FAM171B: variants seen among roughly 807,000 people sequenced by gnomAD.
FAM171B encodes family with sequence similarity 171 member B.
FAM171B carries 19 observed loss-of-function variants against 75.6 expected under a neutral mutation model. The ratio of observed to expected loss-of-function variants is 0.25; its 90% CI spans 0.18 to 0.37. FAM171B has a LOEUF of 0.37. Among genes scored for constraint, FAM171B ranks in the 10% least tolerant of loss-of-function variants. The pLI is 1.00. For missense variants in FAM171B, 848 were observed against 982.4 expected (o/e 0.86, Z 1.83); for synonymous variants, 367 against 361.7 (o/e 1.01, Z -0.17).
chr2:186,707,506 C>T (rs1689748367), intron 1 of FAM171B, among the ~76,000 whole-genome samples: 1 of 152,132 alleles, frequency 6.6e-6, no homozygotes, highest in Non-Finnish European at 1.5e-5. Context: ...GGGATCGTTC[C>T]CAACCCTGCC....
chr2:186,696,292 C>A (rs1392386505), intron 1 of FAM171B, among the ~76,000 whole-genome samples: 9 of 151,682 alleles, frequency 5.9e-5, no homozygotes, highest in Non-Finnish European at 1.3e-4. Context: ...CAATTGATTG[C>A]TGTTTTAGTT....
At chr2:186,698,999 T>C (rs557793845) in intron 1 of FAM171B, among the ~76,000 whole-genome samples, 2 of 152,302 alleles carry the variant, frequency 1.3e-5, no homozygotes, top group Admixed American at 1.3e-4. Context: ...ATTGTGTATA[T>C]GTATCACATT....
Position 186,761,951 on chromosome 2 carries a change from C to A in FAM171B, c.1609C>A (p.Gln537Lys). 1.2e-6 allele frequency: 2 copies of A among 1,613,422 alleles called. No individual in the cohort carries two copies. The highest frequency in any genetic ancestry group is 1.7e-6 in the Non-Finnish European group (2 of 1,179,760). Residue 537 changes from glutamine to lysine, a missense_variant, in exon 8 of 8, where the codon CAA becomes AAA. Physicochemically the swap from Gln to Lys is moderately conservative, Grantham distance 53 (BLOSUM62 1). Coordinates refer to ENST00000304698, the MANE Select transcript of FAM171B (RefSeq NM_177454.4). Reference sequence around the variant, plus strand: ...TGAACAGCTTATGCATATTTACAGCCAACCCATTGCCATCCTTCAAACATC... The same window carrying A: ...TGAACAGCTTATGCATATTTACAGCAAACCCATTGCCATCCTTCAAACATC... ...IPEQLMHIYS[Q>K]PIAILQTSDL...
chr2:186,725,225 T>A (rs1264812961), intron 1 of FAM171B, among the ~76,000 whole-genome samples: 1 of 151,406 alleles, frequency 6.6e-6, no homozygotes, highest in East Asian at 1.9e-4. Context: ...GCACCTGTAG[T>A]CCCAGCTACT....
At chr2:186,746,998 T>C in intron 3 of FAM171B, 94 bp from the exon 4 acceptor site, 1 of 880,258 alleles carries the variant, frequency 1.1e-6, no homozygotes, top group Non-Finnish European at 1.7e-6. Flanking sequence ...TAGCAATAAT[T>C]ATAATTGCTT....
At chr2:186,750,490 G>T (rs1690436357) in intron 4 of FAM171B, among the ~76,000 whole-genome samples, 1 of 152,082 alleles carries the variant, frequency 6.6e-6, no homozygotes, top group East Asian at 1.9e-4. Flanking sequence ...TCTTTCAGTT[G>T]TATGAATAAT....
At chr2:186,736,797 A>G (rs2105784570) in intron 1 of FAM171B, among the ~76,000 whole-genome samples, 1 of 152,188 alleles carries the variant, frequency 6.6e-6, no homozygotes, top group South Asian at 2.1e-4. Context: ...CGGACAAGGT[A>G]TAACAATATT....
In FAM171B at chr2:186,762,791, C is replaced by T. The variant is rs757771338; in HGVS notation, c.2449C>T (p.Arg817Ter). 9 of 1,612,606 alleles carry T rather than the reference C, an allele frequency of 5.6e-6. No homozygotes were observed. In the South Asian group the frequency reaches 7.7e-5, roughly 14 times the overall value. Reference protein sequence around the residue: ...RDSKTNIWKKREERPLIPIN With the variant: ...RDSKTNIWKK ...TAGCAAGACTAACATCTGGAAGAAGCGAGAGGAACGCCCACTGATTCCCAT... is the reference window on the plus strand; with the variant it reads ...TAGCAAGACTAACATCTGGAAGAAGTGAGAGGAACGCCCACTGATTCCCAT... Residue 817 changes from arginine (R) to a stop codon, truncating the protein, a stop_gained, in exon 8 of 8, where the codon CGA (arginine) becomes TGA (stop). Coordinates refer to ENST00000304698, the MANE Select transcript of FAM171B (RefSeq NM_177454.4). LOFTEE classifies it high-confidence loss of function. The surrounding 1 kb of genome is among the most constrained non-coding windows in gnomAD (Gnocchi z 4.0).
chr2:186,715,515 G>A (rs538070195), intron 1 of FAM171B, among the ~76,000 whole-genome samples: 3 of 152,186 alleles, frequency 2.0e-5, no homozygotes, highest in Admixed American at 6.5e-5. Flanking sequence ...GACTAATTTG[G>A]TTTCAAGGTA....
At chr2:186,740,928 T>C (rs1023676750) in intron 2 of FAM171B, among the ~76,000 whole-genome samples, 2 of 152,188 alleles carry the variant, frequency 1.3e-5, no homozygotes, top group African/African-American at 4.8e-5. Context: ...TTTTTAAGAA[T>C]TGGCAAAAAT....
chr2:186,719,558 CAAAT>C (rs1689922408), intron 1 of FAM171B, among the ~76,000 whole-genome samples: 1 of 152,172 alleles, frequency 6.6e-6, no homozygotes, highest in South Asian at 2.1e-4. Context: ...GAGAAAAAAA[CAAAT>C]AAAACAACAA....
chr2:186,702,561 G>A (rs74411774), intron 1 of FAM171B, among the ~76,000 whole-genome samples: 26,529 of 151,874 alleles, frequency 0.17, 2,446 homozygotes, highest in Middle Eastern at 0.26. Flanking sequence ...ATGATTGTTC[G>A]TGTCACAATG....
chr2:186,751,786 A>C (rs1690458719), intron 5 of FAM171B, among the ~76,000 whole-genome samples: 1 of 152,140 alleles, frequency 6.6e-6, no homozygotes, highest in Non-Finnish European at 1.5e-5. Context: ...TAGCAGCTGG[A>C]AATATATGTA....
chr2:186,731,501 G>C (rs905934031), intron 1 of FAM171B, among the ~76,000 whole-genome samples: 4 of 152,158 alleles, frequency 2.6e-5, no homozygotes, highest in Non-Finnish European at 4.4e-5. Flanking sequence ...CTAGTGGCTC[G>C]GTAAATTTTG....
chr2:186,750,867 T>C (rs1429483459), intron 4 of FAM171B, among the ~76,000 whole-genome samples: 3 of 152,166 alleles, frequency 2.0e-5, no homozygotes, highest in Admixed American at 1.3e-4. Flanking sequence ...ATAAAAAATA[T>C]TGAATTGGAT....
At position 186,755,154 on chromosome 2, in the gene FAM171B, T is replaced by G. The variant is rs754984016; in HGVS notation, c.1012+1105T>G. Among the ~76,000 whole-genome samples, 24 of 152,326 alleles carry G rather than the reference T, an allele frequency of 1.6e-4. 1 individual carries two copies. Among genetic ancestry groups the G allele is most frequent in the South Asian group, 1.2e-3 (6 of 4,820 alleles). On this transcript the variant is annotated intron_variant, in intron 6 of 7. Coordinates refer to ENST00000304698, the MANE Select transcript of FAM171B (RefSeq NM_177454.4). ...CATTGCATATTTTAGCCATTAAATT[T>G]TGAAAAAAGAAAAATTCTCTAACCT...
At chr2:186,757,596 C>A (rs1002644332) in intron 6 of FAM171B, among the ~76,000 whole-genome samples, 1 of 152,032 alleles carries the variant, frequency 6.6e-6, no homozygotes, top group African/African-American at 2.4e-5. Flanking sequence ...ATATTAAGTG[C>A]AAGAGATTAA....
chr2:186,736,832 C>T (rs1415943809), intron 1 of FAM171B, among the ~76,000 whole-genome samples: 2 of 151,748 alleles, frequency 1.3e-5, no homozygotes, highest in African/African-American at 4.8e-5. Context: ...GAGGCTCAGT[C>T]AACATTGACA....
intron 4 of FAM171B, among the ~76,000 whole-genome samples, chr2:186,747,597 CA>C (rs1690384494): frequency 6.6e-6 from 1 of 151,798 alleles, no homozygotes; most frequent in Non-Finnish European, 1.5e-5. Context: ...AATTAAAATT[CA>C]GTTTGTATTT....
Sources: gnomAD v4.1 joint callset for allele counts (sites outside exome capture counted in the v4.1 genomes callset) on GRCh38, gnomAD v4.1.1 for gene constraint, Gnocchi (gnomAD v3.1) non-coding constraint, MANE v1.5 for transcripts, NCBI Gene and HGNC (gene_info 2026-07-23, HGNC 2026-07-21) for gene names.